ITIH3: variants seen among roughly 807,000 people sequenced by gnomAD.
ITIH3 encodes the protein inter-alpha-trypsin inhibitor heavy chain 3, also known as inter-alpha-trypsin inhibitor heavy chain H3.
A neutral mutation model predicts 96.5 loss-of-function variants in ITIH3; 81 were observed. The observed-to-expected ratio is 0.84, with a 90% CI of 0.70 to 1.01. The LOEUF is 1.01. Ranked by LOEUF, ITIH3 falls within the 50% of genes least tolerant of loss-of-function variation. ITIH3 has a pLI of 0.00. For synonymous variants in ITIH3, 422 were observed against 445.2 expected, an observed-to-expected ratio of 0.95 and a Z score of 0.66; for missense variants, 1,057 against 1,139.3, an observed-to-expected ratio of 0.93 and a Z score of 1.04.
chr3:52,796,680 C>T (rs201541224), intron 3 of ITIH3, 33 bp downstream of exon 3: 59 of 1,606,550 alleles, frequency 3.7e-5, no homozygotes, highest in South Asian at 2.8e-4. Flanking sequence ...GCTCTGGGCT[C>T]GGGAACAGGG....
At chr3:52,797,411 A>G (rs750827448) in intron 5 of ITIH3, 144 bp downstream of exon 5, 3 of 916,732 alleles carry the variant, frequency 3.3e-6, no homozygotes, top group Non-Finnish European at 4.9e-6. Context: ...GAGGAATTCA[A>G]TGGTTCTGGC....
In ITIH3 at chr3:52,804,613, G is replaced by A; in HGVS notation, c.1865-113G>A. On this transcript the variant is annotated intron_variant, in intron 14 of 21. Transcript: ENST00000449956. ...CCCAGTGGGGGAAGAGCTGGCTGCT[G>A]GGAGGCCCACAGCCTAGGGCTGGTC... 2.7e-6 allele frequency: 3 copies of A among 1,121,582 alleles called. No individual in the cohort carries two copies. In the South Asian group the frequency reaches 4.2e-5, roughly 16 times the overall value. The allele number at this position is 1,121,582 out of a possible 1,614,324, so 69.5% of individuals were successfully genotyped here.
In ITIH3 at chr3:52,807,838, C is replaced by T. The variant is rs1372727387; in HGVS notation, c.2353C>T (p.His785Tyr). ...VVVLHQVWKK[H>Y]PVHRDFLGFY... ...CGTCCTACACCAGGTGTGGAAGAAA[C>T]ATCCTGTCCACCGTGACTTTCTAGG... is the stretch of plus-strand genomic sequence containing the variant. The change falls in exon 20 of 22, where the codon CAT (histidine) becomes TAT (tyrosine). Residue 785 changes from histidine to tyrosine, a missense_variant. His to Tyr is a moderately conservative substitution (Grantham distance 83, BLOSUM62 2). Transcript: ENST00000449956. 6.2e-7 allele frequency: 1 copy of T among 1,611,380 alleles called. No individual in the cohort carries two copies. The highest frequency in any genetic ancestry group is 2.2e-5 in the East Asian group (1 of 44,808).
chr3:52,794,814 C>T lies in ITIH3; in HGVS notation c.11C>T (p.Ala4Val). 1 of 1,613,860 alleles carries T rather than the reference C, an allele frequency of 6.2e-7. No homozygotes were observed. The highest frequency in any genetic ancestry group is 8.5e-7 in the Non-Finnish European group (1 of 1,179,744). Residue 4 changes from alanine (A) to valine (V), a missense_variant, in exon 1 of 22, where the codon GCA becomes GTA. Transcript: ENST00000449956. ...CCTGAGTATTCAGCGATGGCATTTG[C>T]ATGGTGGCCCTGTCTCATCTTGGCT... is the stretch of plus-strand genomic sequence containing the variant. MAF[A>V]WWPCLILALL...
At position 52,806,990 on chromosome 3, in the gene ITIH3, G is replaced by A. The variant is rs1475328176; in HGVS notation, c.2146G>A (p.Ala716Thr). 6.9e-6 allele frequency: 11 copies of A among 1,597,584 alleles called. No homozygotes were observed. Among genetic ancestry groups the A allele is most frequent in the Non-Finnish European group, 8.5e-6 (10 of 1,172,244 alleles). The change falls in exon 19 of 22, where the codon GCC becomes ACC. Residue 716 changes from alanine (A) to threonine (T), a missense_variant. By Grantham distance (58) the Ala-to-Thr change is moderately conservative (BLOSUM62 0). Transcript: ENST00000449956. ...RKTYFGKLGI[A>T]NAQMDFQVEV... Reference sequence around the variant, plus strand: ...GACTTACTTTGGAAAACTGGGCATCGCCAATGCTCAGATGGACTTCCAGGT... The same window carrying A: ...GACTTACTTTGGAAAACTGGGCATCACCAATGCTCAGATGGACTTCCAGGT...
chr3:52,805,368 T>C, intron 15 of ITIH3: 1 of 1,022,924 alleles, frequency 9.8e-7, no homozygotes, highest in Non-Finnish European at 1.2e-6. Flanking sequence ...AATGTACCGG[T>C]GCATGTGAGT....
intron 21 of ITIH3, 81 bp downstream of exon 21, chr3:52,808,302 G>T (rs1700129573): frequency 1.6e-6 from 2 of 1,260,842 alleles, no homozygotes; most frequent in Middle Eastern, 2.0e-4. Context: ...ACATTAGTCT[G>T]GTGGGCTTTT....
At chr3:52,808,397 T>C (rs569718253) in intron 21 of ITIH3, among the ~76,000 whole-genome samples, 155 bp from the exon 22 acceptor site, 166 of 152,332 alleles carry the variant, frequency 1.1e-3, no homozygotes, top group Admixed American at 4.7e-3. Flanking sequence ...CAAACTTGGC[T>C]TCCTCGAAAG....
At chr3:52,797,793 A>G (rs777708244) in intron 5 of ITIH3, 24 bp from the exon 6 acceptor site, 1 of 1,502,302 alleles carries the variant, frequency 6.7e-7, no homozygotes, top group Non-Finnish European at 9.1e-7. Context: ...ACTGAGTGAC[A>G]TTTCCTTACT....
intron 15 of ITIH3, 30 bp downstream of exon 15, chr3:52,804,764 CA>C: frequency 1.9e-6 from 3 of 1,583,930 alleles, no homozygotes; most frequent in Non-Finnish European, 2.6e-6. Flanking sequence ...CCGGGTTGGG[CA>C]TTATGGAAGG....
rs551145598 is a variant in ITIH3 at position 52,795,540 on chromosome 3, C to G, written c.94-63C>G. On this transcript the variant is annotated intron_variant, in intron 1 of 21. Transcript: ENST00000449956. ...GGTCTCAGCCCAGAGCCTCCCAGGC[C>G]ATGCGGCCTTGGTGTTGGCCTTGGC... 48 of 1,557,378 alleles carry G rather than the reference C, an allele frequency of 3.1e-5. No individual in the cohort carries two copies. In the African/African-American group the frequency reaches 6.1e-4, roughly 20 times the overall value.
At chr3:52,807,706 G>T in intron 19 of ITIH3, 41 bp from the exon 20 acceptor site, 3 of 1,577,900 alleles carry the variant, frequency 1.9e-6, no homozygotes, top group Non-Finnish European at 1.7e-6. Context: ...CAGTGTCACG[G>T]CCACTGGGCC....
chr3:52,798,313 G>A (rs1171468102), intron 6 of ITIH3, among the ~76,000 whole-genome samples: 1 of 152,206 alleles, frequency 6.6e-6, no homozygotes, highest in Non-Finnish European at 1.5e-5. Context: ...GTGCTAGGTG[G>A]TTGACTCCAG....
At chr3:52,804,198 G>A in intron 14 of ITIH3, 189 bp downstream of exon 14, 2 of 618,388 alleles carry the variant, frequency 3.2e-6, no homozygotes, top group South Asian at 3.9e-5. Flanking sequence ...ACAGTGGGGT[G>A]TGGGGTGAAT....
chr3:52,804,060 C>A, intron 14 of ITIH3, 51 bp downstream of exon 14: 2 of 1,574,238 alleles, frequency 1.3e-6, no homozygotes, highest in East Asian at 2.3e-5. Context: ...TGCTGGGCAC[C>A]CTACCTGGGT....
chr3:52,794,827 T>A lies in ITIH3; in HGVS notation c.24T>A (p.Cys8Ter). The part of the protein sequence containing the change: MAFAWWP[C>*]LILALLSSLA... ...CGATGGCATTTGCATGGTGGCCCTG[T>A]CTCATCTTGGCTCTGCTCTCCAGCT... Residue 8 changes from cysteine to a stop codon, truncating the protein, a stop_gained, in exon 1 of 22, where the codon TGT becomes TGA. Transcript: ENST00000449956. LOFTEE classifies it high-confidence loss of function. The A allele has an allele frequency of 6.2e-7, 1 of 1,613,990 alleles. No homozygotes were observed. Among genetic ancestry groups the A allele is most frequent in the Non-Finnish European group, 8.5e-7 (1 of 1,179,852 alleles).
chr3:52,804,763 G>A (rs1242596427), intron 15 of ITIH3, 29 bp downstream of exon 15: 1 of 1,584,172 alleles, frequency 6.3e-7, no homozygotes. Flanking sequence ...ACCGGGTTGG[G>A]CATTATGGAA....
rs1237258491 is a variant in ITIH3 at position 52,808,208 on chromosome 3, C to T, written c.2530C>T (p.Leu844=). The change falls in exon 21 of 22, where the codon CTG becomes TTG. Residue 844 remains leucine (L), a synonymous_variant. Transcript: ENST00000449956. ...DATLVVKNHQ[L]IVTRGSQKDY... ...CACATTGGTGGTGAAGAACCATCAG[C>T]TGATTGTCACCAGGTGAGGAGACTT... 4 of 1,613,826 alleles carry T rather than the reference C, an allele frequency of 2.5e-6. No individual in the cohort carries two copies. In the South Asian group the frequency reaches 4.4e-5, roughly 18 times the overall value.
rs574382841 is a variant in ITIH3, at chr3:52,805,589, G to A, written c.1874-219G>A. ...TTTCAGCCACATCAAAAAGCCCTGC[G>A]CCAACGTTAAAATCACATCCCATTG... On this transcript the variant is annotated intron_variant, in intron 15 of 21. Transcript: ENST00000449956. 1.6e-4 allele frequency: 212 copies of A among 1,365,968 alleles called. 1 individual carries two copies. The highest frequency in any genetic ancestry group is 1.4e-3 in the Middle Eastern group (7 of 5,158). The allele number at this position is 1,365,968 out of a possible 1,614,324, so 84.6% of individuals were successfully genotyped here. A position where few individuals can be genotyped will look rare whatever the true frequency, so the allele number is the denominator to read the frequency against.
Sources: allele counts gnomAD v4.1 joint callset (sites outside exome capture counted in the v4.1 genomes callset), GRCh38; gene constraint gnomAD v4.1.1; transcripts MANE v1.5; gene names NCBI Gene and HGNC (gene_info 2026-07-23, HGNC 2026-07-21).